Variants in PIK3C3 observed in about 807,000 individuals in gnomAD.
PIK3C3 encodes phosphatidylinositol 3-kinase catalytic subunit type 3.
A neutral mutation model predicts 126.1 loss-of-function variants in PIK3C3; 95 were observed. The observed-to-expected ratio is 0.75, with a 90% CI of 0.64 to 0.89. The LOEUF is 0.89. PIK3C3 is among the 40% of genes least tolerant of loss of function. The pLI, the probability that PIK3C3 is intolerant of heterozygous loss-of-function variation, is 0.00. For missense variants in PIK3C3, 829 were observed against 1,063.2 expected (o/e 0.78, Z 3.06); for synonymous variants, 374 against 360.0 (o/e 1.04, Z -0.44).
intron 4 of PIK3C3, among the ~76,000 whole-genome samples, chr18:41,976,915 C>T (rs149199281): frequency 4.3e-4 from 66 of 152,266 alleles, no homozygotes; most frequent in Non-Finnish European, 7.8e-4. Flanking sequence ...CCTAAAACCA[C>T]GTCTTTAAAT....
intron 19 of PIK3C3, among the ~76,000 whole-genome samples, chr18:42,042,636 C>T (rs1169047642): frequency 2.6e-5 from 4 of 152,090 alleles, no homozygotes; most frequent in Non-Finnish European, 4.4e-5. Flanking sequence ...TGTGTAATTA[C>T]GATTTTATAA....
At chr18:42,031,568 G>T (rs576388137) in intron 15 of PIK3C3, among the ~76,000 whole-genome samples, 1 of 152,192 alleles carries the variant, frequency 6.6e-6, no homozygotes, top group South Asian at 2.1e-4. Flanking sequence ...GGGACTGCAG[G>T]CGTGCACCAC....
chr18:42,014,877 A>G (rs965851523), intron 11 of PIK3C3, among the ~76,000 whole-genome samples: 1 of 152,134 alleles, frequency 6.6e-6, no homozygotes, highest in Admixed American at 6.5e-5. Context: ...ATATTTTTCT[A>G]TTTTTAAGGG....
chr18:41,970,498 T>C (rs753990552), intron 4 of PIK3C3, 42 bp downstream of exon 4: 2 of 1,583,870 alleles, frequency 1.3e-6, no homozygotes, highest in East Asian at 2.2e-5. Flanking sequence ...CTCTGACTGA[T>C]GTCTATTGTA....
intron 23 of PIK3C3, 32 bp from the exon 24 acceptor site, chr18:42,067,356 T>A: frequency 6.2e-7 from 1 of 1,608,348 alleles, no homozygotes; most frequent in East Asian, 2.2e-5. Context: ...CTATTTTTCT[T>A]CGTTGTAAAG....
At chr18:42,022,312 T>G (rs1334653789) in intron 13 of PIK3C3, among the ~76,000 whole-genome samples, 1 of 152,026 alleles carries the variant, frequency 6.6e-6, no homozygotes, top group Non-Finnish European at 1.5e-5. Context: ...ATGACATCAG[T>G]GTGTGATGTT....
chr18:42,034,948 A>G (rs930186894), intron 16 of PIK3C3, among the ~76,000 whole-genome samples: 2 of 152,214 alleles, frequency 1.3e-5, no homozygotes, highest in South Asian at 4.1e-4. Flanking sequence ...CATATGACTA[A>G]AACATAAGTT....
At chr18:42,019,172 G>T (rs1358862784) in intron 12 of PIK3C3, among the ~76,000 whole-genome samples, 2 of 152,096 alleles carry the variant, frequency 1.3e-5, no homozygotes, top group Non-Finnish European at 2.9e-5. Context: ...TTACACAGAA[G>T]AAACATAGCT....
At chr18:42,078,293 C>T (rs1047884379) in intron 24 of PIK3C3, among the ~76,000 whole-genome samples, 15 of 144,002 alleles carry the variant, frequency 1.0e-4, no homozygotes, top group African/African-American at 2.9e-4. Context: ...AGGAGAATGG[C>T]GTGAACCCGG....
intron 24 of PIK3C3, among the ~76,000 whole-genome samples, chr18:42,072,007 A>G (rs1397623491): frequency 1.3e-5 from 2 of 152,204 alleles, no homozygotes; most frequent in Non-Finnish European, 2.9e-5. Flanking sequence ...TAACAATTAT[A>G]AAAGCATAGT....
At chr18:42,038,337 GT>G (rs1432933445) in intron 17 of PIK3C3, among the ~76,000 whole-genome samples, 1 of 151,882 alleles carries the variant, frequency 6.6e-6, no homozygotes, top group East Asian at 1.9e-4. Context: ...GATGATCAAA[GT>G]TAAATTAACT....
chr18:42,023,920 G>A (rs1249073832), intron 13 of PIK3C3, among the ~76,000 whole-genome samples: 1 of 152,020 alleles, frequency 6.6e-6, no homozygotes, highest in East Asian at 1.9e-4. Flanking sequence ...AATCCTTAGG[G>A]GCCTATAGTT....
At chr18:42,043,032 T>A (rs1984394048) in intron 19 of PIK3C3, among the ~76,000 whole-genome samples, 1 of 152,294 alleles carries the variant, frequency 6.6e-6, no homozygotes, top group East Asian at 1.9e-4. Flanking sequence ...TTTTTAAATA[T>A]ATATTCCAGA....
At chr18:42,066,209 A>G (rs986594905) in intron 23 of PIK3C3, among the ~76,000 whole-genome samples, 1 of 152,108 alleles carries the variant, frequency 6.6e-6, no homozygotes, top group Non-Finnish European at 1.5e-5. Flanking sequence ...CACTTCTTAC[A>G]TTTACCTCTC....
At chr18:42,054,610 T>A (rs1984977486) in intron 21 of PIK3C3, among the ~76,000 whole-genome samples, 1 of 152,152 alleles carries the variant, frequency 6.6e-6, no homozygotes, top group Non-Finnish European at 1.5e-5. Context: ...TATTCTTTAA[T>A]TTTATGTGAA....
rs1344603299 is a variant in PIK3C3, at chr18:41,957,631, T to C, written c.130T>C (p.Leu44=). ...TAAAGCTGTCCTGGAAGACCCAATG[T>C]TGAAGTTCTCAGGACTATATCAAGA... is the stretch of plus-strand genomic sequence containing the variant. The part of the protein sequence containing the change: ...SYKAVLEDPM[L]KFSGLYQETC... The change falls in exon 2 of 25, where the codon TTG becomes CTG. Residue 44 remains leucine (L), a synonymous_variant. Coordinates refer to ENST00000262039, the MANE Select transcript of PIK3C3 (RefSeq NM_002647.4). The C allele has an allele frequency of 6.2e-7, 1 of 1,613,224 alleles. No homozygotes were observed.
Position 42,082,941 on chromosome 18 carries a change from CAG to C in PIK3C3, c.*1806_*1807del, listed in dbSNP as rs566343791. On this transcript the variant is annotated 3_prime_UTR_variant, in exon 25 of 25. Transcript: ENST00000262039. ...ACACAAACATGAAATTCTAGAAGGGCAGACACTGACAACTAGTAAGGAAGTTG... is the reference window on the plus strand; with the variant it reads ...ACACAAACATGAAATTCTAGAAGGGCACACTGACAACTAGTAAGGAAGTTG... 1 of 152,260 alleles carries C rather than the reference CAG, an allele frequency of 6.6e-6. No homozygotes were observed. Among genetic ancestry groups the C allele is most frequent in the South Asian group, 2.1e-4 (1 of 4,830 alleles). 9.4% of individuals were successfully genotyped at this position (152,260 alleles called of 1,614,324 possible). A position where few individuals can be genotyped will look rare whatever the true frequency, so the allele number is the denominator to read the frequency against.
intron 21 of PIK3C3, among the ~76,000 whole-genome samples, chr18:42,054,142 A>ATATCTATC (rs1568002664): frequency 5.8e-5 from 1 of 17,238 alleles, no homozygotes; most frequent in Admixed American, 4.5e-4. Context: ...ATATATATAT[A>ATATCTATC]TATATATATA....
intron 13 of PIK3C3, among the ~76,000 whole-genome samples, chr18:42,022,253 A>C (rs1002987028): frequency 3.3e-5 from 5 of 152,128 alleles, no homozygotes; most frequent in Admixed American, 6.5e-5. Flanking sequence ...ACTCATCATT[A>C]ACATTAGGTA....
Sources: allele counts gnomAD v4.1 joint callset (sites outside exome capture counted in the v4.1 genomes callset), GRCh38; gene constraint gnomAD v4.1.1; transcripts MANE v1.5; gene names NCBI Gene and HGNC (gene_info 2026-07-23, HGNC 2026-07-21).